Variants in NME7 observed in about 807,000 individuals in gnomAD.
NME7 encodes nucleoside diphosphate kinase 7.
A neutral mutation model predicts 49.1 loss-of-function variants in NME7; 41 were observed. The observed-to-expected ratio is 0.83, with a 90% CI of 0.65 to 1.08. The LOEUF (loss-of-function observed/expected upper bound fraction) is 1.08. Ranked by LOEUF, NME7 falls within the 50% of genes least tolerant of loss-of-function variation. The pLI is 0.00. For missense variants in NME7, 423 were observed against 463.4 expected (o/e 0.91, Z 0.80); for synonymous variants, 139 against 150.6 (o/e 0.92, Z 0.56).
At chr1:169,305,036 G>A (rs769814164) in intron 4 of NME7, among the ~76,000 whole-genome samples, 3 of 151,994 alleles carry the variant, frequency 2.0e-5, no homozygotes, top group Non-Finnish European at 4.4e-5. Context: ...AATCTTTAAC[G>A]TCATTGAAAA....
rs1183226059 is a variant in NME7, at chr1:169,149,107, G to A, written c.1099-16290C>T. On this transcript the variant is annotated intron_variant, in intron 11 of 11. Coordinates refer to ENST00000367811, the MANE Select transcript of NME7 (RefSeq NM_013330.5). ...GCCTGTAATCCTACTTTGGGAGGCC[G>A]AGGTGGGTGGATGACCTGAGGTCAG... is the stretch of plus-strand genomic sequence containing the variant. 2.0e-5 allele frequency among the ~76,000 whole-genome samples: 3 copies of A among 152,304 alleles called. No homozygotes were observed. The South Asian group carries it at 6.2e-4, about 32-fold the overall frequency.
At chr1:169,319,197 A>G (rs1339171944) in intron 3 of NME7, among the ~76,000 whole-genome samples, 4 of 152,116 alleles carry the variant, frequency 2.6e-5, no homozygotes, top group African/African-American at 9.7e-5. Context: ...TATAGCCAAG[A>G]TTTTATGACA....
chr1:169,302,738 T>C (rs1458738741), intron 5 of NME7, among the ~76,000 whole-genome samples: 1 of 151,980 alleles, frequency 6.6e-6, no homozygotes, highest in Admixed American at 6.6e-5. Context: ...GTAACAAACC[T>C]GCACATGTAC....
At chr1:169,268,440 T>C (rs12035804) in intron 7 of NME7, among the ~76,000 whole-genome samples, 19,022 of 132,790 alleles carry the variant, frequency 0.14, 4,709 homozygotes, top group Admixed American at 0.16. Context: ...CATTACTGGG[T>C]ACATACCCAG....
chr1:169,303,158 T>C lies in NME7; in HGVS notation c.427A>G (p.Arg143Gly). The C allele has an allele frequency of 1.3e-6, 2 of 1,571,978 alleles. No homozygotes were observed. Among genetic ancestry groups the C allele is most frequent in the Non-Finnish European group, 1.7e-6 (2 of 1,153,780 alleles). Residue 143 changes from arginine to glycine, a missense_variant, in exon 5 of 12, where the codon AGA becomes GGA. By Grantham distance (125) the Arg-to-Gly change is moderately radical. Coordinates refer to ENST00000367811, the MANE Select transcript of NME7 (RefSeq NM_013330.5). Reference protein sequence around the residue: ...ALDFHVDHQSRPFFNELIQFI... With the variant: ...ALDFHVDHQSGPFFNELIQFI... ...TTAAGGACCTACTTGAAAAAGGGTCTTGACTGGTGATCTACATGAAAATCC... is the reference window on the plus strand; with the variant it reads ...TTAAGGACCTACTTGAAAAAGGGTCCTGACTGGTGATCTACATGAAAATCC...
chr1:169,141,966 A>G (rs1658608251), intron 11 of NME7, among the ~76,000 whole-genome samples: 1 of 152,212 alleles, frequency 6.6e-6, no homozygotes, highest in Non-Finnish European at 1.5e-5. Flanking sequence ...TTTAATTTTT[A>G]CTGTGAAATG....
chr1:169,319,153 T>C (rs1438514640), intron 3 of NME7, among the ~76,000 whole-genome samples: 2 of 152,070 alleles, frequency 1.3e-5, no homozygotes, highest in South Asian at 2.1e-4. Context: ...CTAAACTATA[T>C]AATACCTGAA....
chr1:169,167,524 A>G (rs1659452262), intron 11 of NME7, among the ~76,000 whole-genome samples: 1 of 152,248 alleles, frequency 6.6e-6, no homozygotes, highest in Non-Finnish European at 1.5e-5. Flanking sequence ...TAAGAAGTTA[A>G]AAAAATAAAA....
At chr1:169,353,210 G>C (rs758741440) in intron 1 of NME7, among the ~76,000 whole-genome samples, 1 of 151,906 alleles carries the variant, frequency 6.6e-6, no homozygotes, top group Non-Finnish European at 1.5e-5. Flanking sequence ...TAGATCAATG[G>C]AACAGAATAG....
Position 169,367,785 on chromosome 1 carries a change from T to C in NME7, c.-75A>G, listed in dbSNP as rs1013681096. Reference sequence around the variant, plus strand: ...CACCACCACCACCACCATCATACGGTTACTCAGGCAACAAAGCCCCGCCCA... The same window carrying C: ...CACCACCACCACCACCATCATACGGCTACTCAGGCAACAAAGCCCCGCCCA... On this transcript the variant is annotated 5_prime_UTR_variant, in exon 1 of 12. Transcript: ENST00000367811. 3 of 1,594,498 alleles carry C rather than the reference T, an allele frequency of 1.9e-6. No homozygotes were observed. In the African/African-American group the frequency reaches 4.0e-5, roughly 21 times the overall value.
chr1:169,351,303 G>T (rs1483954045), intron 1 of NME7, among the ~76,000 whole-genome samples: 1 of 151,922 alleles, frequency 6.6e-6, no homozygotes, highest in African/African-American at 2.4e-5. Flanking sequence ...TTTATGACTT[G>T]AATGACCAGT....
intron 10 of NME7, among the ~76,000 whole-genome samples, chr1:169,224,679 A>C (rs1357392262): frequency 6.6e-6 from 1 of 152,076 alleles, no homozygotes; most frequent in Non-Finnish European, 1.5e-5. Flanking sequence ...TATTTCGAAA[A>C]ATCTATTCAT....
chr1:169,176,232 C>T (rs190078729), intron 10 of NME7, among the ~76,000 whole-genome samples: 1 of 152,210 alleles, frequency 6.6e-6, no homozygotes, highest in East Asian at 1.9e-4. Flanking sequence ...CAGGGAGAGA[C>T]CCAGAGGCTA....
chr1:169,232,918 T>TTTTTTTTTTTTTTTTTTTTTTTTC (rs1647698312), intron 9 of NME7, among the ~76,000 whole-genome samples: 1 of 92,946 alleles, frequency 1.1e-5, no homozygotes, highest in Non-Finnish European at 2.5e-5. Flanking sequence ...TTTTCTTTTT[T>TTTTTTTTTTTTTTTTTTTTTTTTC]TTTTTTTTTT....
Position 169,132,680 on chromosome 1 carries a change from C to T in NME7, c.*105G>A. The T allele has an allele frequency of 9.6e-7, 1 of 1,038,460 alleles. No individual in the cohort carries two copies. Among genetic ancestry groups the T allele is most frequent in the Non-Finnish European group, 1.4e-6 (1 of 691,544 alleles). The allele number at this position is 1,038,460 out of a possible 1,614,324, so 64.3% of individuals were successfully genotyped here. On this transcript the variant is annotated 3_prime_UTR_variant, in exon 12 of 12. Transcript: ENST00000367811. ...ACAGTGCTCTTGTTGATCTTGTATT[C>T]AGTCAGGTTAAAACAACGGACAATA...
chr1:169,317,547 G>A (rs10919134), intron 3 of NME7, among the ~76,000 whole-genome samples: 53,028 of 151,616 alleles, frequency 0.35, 10,322 homozygotes, highest in Non-Finnish European at 0.44. Context: ...CTCTGTTACT[G>A]AACTAAGGTA....
intron 10 of NME7, among the ~76,000 whole-genome samples, chr1:169,201,048 T>G (rs116032601): frequency 6.6e-6 from 1 of 151,918 alleles, no homozygotes; most frequent in Non-Finnish European, 1.5e-5. Context: ...CTGGGCAACA[T>G]AGAGAGACCC....
chr1:169,168,215 C>A (rs12735503), intron 11 of NME7, among the ~76,000 whole-genome samples: 56,493 of 151,970 alleles, frequency 0.37, 11,084 homozygotes, highest in East Asian at 0.73. Context: ...CTGCTTGGCC[C>A]TCTTCCAAGT....
chr1:169,324,490 T>C lies in NME7; in HGVS notation c.14A>G (p.Glu5Gly), dbSNP rs1171298992. MNHS[E>G]RFVFIAEWYD... ...CCACTCTGCAATGAAAACGAATCTT[T>C]CACTATGATTCTGCAAAGAAAGACA... Residue 5 changes from glutamate to glycine, a missense_variant, in exon 2 of 12, where the codon GAA becomes GGA. Transcript: ENST00000367811. The C allele has an allele frequency of 6.3e-7, 1 of 1,598,250 alleles. No homozygotes were observed. The highest frequency in any genetic ancestry group is 8.6e-7 in the Non-Finnish European group (1 of 1,166,006).
Sources: gnomAD v4.1 joint callset for allele counts (sites outside exome capture counted in the v4.1 genomes callset) on GRCh38, gnomAD v4.1.1 for gene constraint, MANE v1.5 for transcripts, NCBI Gene and HGNC (gene_info 2026-07-23, HGNC 2026-07-21) for gene names.